Variants in SORCS1 observed in about 807,000 individuals in gnomAD.
The protein encoded by SORCS1 is sortilin related VPS10 domain containing receptor 1.
SORCS1 carries 60 observed loss-of-function variants against 146.1 expected under a neutral mutation model. That is an observed-to-expected ratio of 0.41 (90% CI 0.33 to 0.51). The LOEUF is 0.51. Among genes scored for constraint, SORCS1 ranks in the 20% least tolerant of loss-of-function variants. The pLI is 0.21. For missense variants in SORCS1, 1,352 were observed against 1,487.6 expected (o/e 0.91, Z 1.50); for synonymous variants, 637 against 584.0 (o/e 1.09, Z -1.31).
intron 4 of SORCS1, among the ~76,000 whole-genome samples, chr10:106,772,844 G>A (rs1436946552): frequency 1.3e-5 from 2 of 152,078 alleles, no homozygotes; most frequent in Non-Finnish European, 1.5e-5. Context: ...CACAATTAGA[G>A]CAGGGTACCG....
chr10:107,045,032 T>C (rs1449549974), intron 1 of SORCS1, among the ~76,000 whole-genome samples: 1 of 152,012 alleles, frequency 6.6e-6, no homozygotes, highest in African/African-American at 2.4e-5. Context: ...AGGATGCGCA[T>C]TTGAGTAACT....
intron 5 of SORCS1, 88 bp downstream of exon 5, chr10:106,761,500 T>G: frequency 8.8e-7 from 1 of 1,136,676 alleles, no homozygotes; most frequent in Non-Finnish European, 1.3e-6. Context: ...GTGAGAGCAC[T>G]GGTGAGAACA....
chr10:106,997,969 C>G (rs548041897), intron 1 of SORCS1, among the ~76,000 whole-genome samples: 1 of 152,312 alleles, frequency 6.6e-6, no homozygotes, highest in African/African-American at 2.4e-5. Context: ...ATTCTGGTTA[C>G]TTCCCAGATT....
intron 1 of SORCS1, among the ~76,000 whole-genome samples, chr10:107,121,075 C>T (rs546983024): frequency 4.6e-5 from 7 of 152,106 alleles, no homozygotes; most frequent in African/African-American, 9.6e-5. Flanking sequence ...TCTTTGGAGC[C>T]GAAGTCTTTA....
At chr10:106,663,025 T>C (rs1057136496) in intron 17 of SORCS1, among the ~76,000 whole-genome samples, 4 of 152,174 alleles carry the variant, frequency 2.6e-5, no homozygotes, top group African/African-American at 7.2e-5. Flanking sequence ...ACACCTCCAA[T>C]TGCCAAAAGA....
chr10:106,824,080 G>C (rs1413365964), intron 3 of SORCS1, among the ~76,000 whole-genome samples: 1 of 151,956 alleles, frequency 6.6e-6, no homozygotes, highest in African/African-American at 2.4e-5. Flanking sequence ...GAGGCGGGTG[G>C]ATCACCTGGG....
intron 3 of SORCS1, among the ~76,000 whole-genome samples, chr10:106,806,921 T>C (rs1947217623): frequency 6.6e-6 from 1 of 152,166 alleles, no homozygotes; most frequent in Non-Finnish European, 1.5e-5. Context: ...CATACTATCA[T>C]GCTATAAGTG....
chr10:106,928,776 T>G (rs1256802831), intron 2 of SORCS1, among the ~76,000 whole-genome samples: 8 of 152,102 alleles, frequency 5.3e-5, no homozygotes, highest in Admixed American at 5.2e-4. Context: ...AAAGAAAGGC[T>G]AAAAGGTGTC....
At chr10:106,605,983 T>G (rs1422676526) in intron 23 of SORCS1, among the ~76,000 whole-genome samples, 1 of 151,934 alleles carries the variant, frequency 6.6e-6, no homozygotes, top group Non-Finnish European at 1.5e-5. Context: ...AAACAGAAAA[T>G]CTCCAAGTAC....
Position 106,970,989 on chromosome 10 carries a change from G to A in SORCS1, c.559-14409C>T, listed in dbSNP as rs550427142. Reference sequence around the variant, plus strand: ...CATCTCAAACTCCTGACCTCAGGTGGTCTACCTGCCTCAGCCTTCCAAAGT... The same window carrying A: ...CATCTCAAACTCCTGACCTCAGGTGATCTACCTGCCTCAGCCTTCCAAAGT... On this transcript the variant is annotated intron_variant, in intron 1 of 25. Transcript: ENST00000263054. Among the ~76,000 whole-genome samples, 5 of 148,174 alleles carry A rather than the reference G, an allele frequency of 3.4e-5. No individual in the cohort carries two copies. The South Asian group carries it at 8.5e-4, about 25-fold the overall frequency.
chr10:106,875,692 A>G (rs1337506176), intron 2 of SORCS1, among the ~76,000 whole-genome samples: 2 of 152,078 alleles, frequency 1.3e-5, no homozygotes, highest in Non-Finnish European at 2.9e-5. Flanking sequence ...CATGGCTGTA[A>G]TTTGCATTTC....
At chr10:107,124,244 G>A (rs1396191334) in intron 1 of SORCS1, among the ~76,000 whole-genome samples, 1 of 152,146 alleles carries the variant, frequency 6.6e-6, no homozygotes, top group African/African-American at 2.4e-5. Flanking sequence ...GGAGCCCTAG[G>A]AAGAGATATG....
intron 6 of SORCS1, among the ~76,000 whole-genome samples, chr10:106,711,892 G>A (rs1268547323): frequency 6.6e-6 from 1 of 152,136 alleles, no homozygotes; most frequent in Non-Finnish European, 1.5e-5. Flanking sequence ...CAGCTTTTAA[G>A]TGACTTCTGT....
intron 1 of SORCS1, among the ~76,000 whole-genome samples, chr10:107,024,914 T>G (rs1054124469): frequency 1.1e-4 from 17 of 152,226 alleles, no homozygotes; most frequent in Admixed American, 7.9e-4. Context: ...TTTAGACAGT[T>G]AAGGGAGAAG....
intron 17 of SORCS1, among the ~76,000 whole-genome samples, chr10:106,659,471 C>G (rs1046617748): frequency 1.3e-5 from 2 of 152,162 alleles, no homozygotes; most frequent in African/African-American, 4.8e-5. Context: ...AGTTGTACGA[C>G]TAAGTTAATA....
At chr10:106,720,838 A>G (rs1409777063) in intron 6 of SORCS1, among the ~76,000 whole-genome samples, 2 of 152,112 alleles carry the variant, frequency 1.3e-5, no homozygotes, top group East Asian at 3.9e-4. Flanking sequence ...GAAGTGGCAT[A>G]TAATGGCTAC....
intron 5 of SORCS1, among the ~76,000 whole-genome samples, chr10:106,732,518 T>G (rs1856669532): frequency 6.6e-6 from 1 of 152,216 alleles, no homozygotes; most frequent in African/African-American, 2.4e-5. Context: ...TATTTCAAAA[T>G]GGGCAGTTAC....
chr10:106,748,456 T>C (rs1857907697), intron 5 of SORCS1, among the ~76,000 whole-genome samples: 1 of 152,136 alleles, frequency 6.6e-6, no homozygotes. Flanking sequence ...TGTGTTCTGA[T>C]GGCTCCACAG....
At chr10:106,996,985 T>C (rs779446400) in intron 1 of SORCS1, among the ~76,000 whole-genome samples, 2 of 152,102 alleles carry the variant, frequency 1.3e-5, no homozygotes, top group Non-Finnish European at 2.9e-5. Context: ...TCTCTTCATT[T>C]AGGGAAAAGG....
Sources: gnomAD v4.1 joint callset for allele counts (sites outside exome capture counted in the v4.1 genomes callset) on GRCh38, gnomAD v4.1.1 for gene constraint, MANE v1.5 for transcripts, NCBI Gene and HGNC (gene_info 2026-07-23, HGNC 2026-07-21) for gene names.